Variants in ACYP2 observed in about 807,000 individuals in gnomAD.
ACYP2 encodes acylphosphatase-2.
ACYP2 carries 12 observed loss-of-function variants against 11.2 expected under a neutral mutation model. The observed-to-expected ratio is 1.08, with a 90% CI of 0.69 to 1.74. The LOEUF (loss-of-function observed/expected upper bound fraction) is 1.74. Ranked by LOEUF, ACYP2 falls within the 40% of genes most tolerant of loss-of-function variation. ACYP2 has a pLI of 0.00. For missense variants in ACYP2, 134 were observed against 101.9 expected (o/e 1.31, Z -1.35); for synonymous variants, 43 against 32.2 (o/e 1.33, Z -1.13).
intron 2 of ACYP2, among the ~76,000 whole-genome samples, chr2:54,038,165 C>T (rs570186962): frequency 1.3e-5 from 2 of 152,282 alleles, no homozygotes; most frequent in South Asian, 2.1e-4. Flanking sequence ...TTATTCTAAC[C>T]TCTGAGCGTC....
intron 3 of ACYP2, among the ~76,000 whole-genome samples, chr2:54,052,002 G>C (rs567416492): frequency 6.6e-6 from 1 of 151,764 alleles, no homozygotes; most frequent in Non-Finnish European, 1.5e-5. Flanking sequence ...AGCCAAGATC[G>C]CACCATTGCA....
At chr2:54,188,444 A>G (rs908724031) in intron 6 of ACYP2, among the ~76,000 whole-genome samples, 3 of 152,184 alleles carry the variant, frequency 2.0e-5, no homozygotes, top group Admixed American at 6.5e-5. Context: ...TCACTATTAT[A>G]TTGTTAAAAG....
intron 6 of ACYP2, among the ~76,000 whole-genome samples, chr2:54,166,102 T>C (rs1367084011): frequency 6.6e-6 from 1 of 152,158 alleles, no homozygotes; most frequent in African/African-American, 2.4e-5. Flanking sequence ...AATGCTCTTA[T>C]CTAGGTGCAG....
chr2:54,158,942 T>C (rs1682573506), intron 6 of ACYP2, among the ~76,000 whole-genome samples: 1 of 152,166 alleles, frequency 6.6e-6, no homozygotes, highest in Non-Finnish European at 1.5e-5. Flanking sequence ...TCTCTTTCTC[T>C]TTTTTGGGGC....
At chr2:54,266,875 C>T (rs1007590381) in intron 6 of ACYP2, among the ~76,000 whole-genome samples, 1 of 151,994 alleles carries the variant, frequency 6.6e-6, no homozygotes, top group Non-Finnish European at 1.5e-5. Flanking sequence ...TCCCAAAGTG[C>T]TGGGATTACA....
chr2:54,049,169 G>A (rs1415472840), intron 2 of ACYP2, among the ~76,000 whole-genome samples: 1 of 152,162 alleles, frequency 6.6e-6, no homozygotes, highest in Non-Finnish European at 1.5e-5. Context: ...GGTAAGGCAG[G>A]AGAATCGCTT....
intron 6 of ACYP2, among the ~76,000 whole-genome samples, chr2:54,147,086 G>A (rs569497147): frequency 6.6e-6 from 1 of 152,188 alleles, no homozygotes; most frequent in African/African-American, 2.4e-5. Flanking sequence ...GTGAGCCACC[G>A]TGCCTGGCTG....
chr2:54,266,219 T>C (rs1214804259), intron 6 of ACYP2, among the ~76,000 whole-genome samples: 1 of 152,200 alleles, frequency 6.6e-6, no homozygotes, highest in Non-Finnish European at 1.5e-5. Context: ...CTTGTGAATA[T>C]TGATACAAAA....
intron 6 of ACYP2, among the ~76,000 whole-genome samples, chr2:54,231,195 C>A (rs860058): frequency 2.0e-5 from 3 of 151,988 alleles, no homozygotes; most frequent in South Asian, 4.1e-4. Flanking sequence ...TACATGACAA[C>A]AAGCTGTACC....
chr2:54,264,200 C>T (rs1326930672), intron 6 of ACYP2, among the ~76,000 whole-genome samples: 6 of 152,100 alleles, frequency 3.9e-5, no homozygotes, highest in Admixed American at 1.3e-4. Flanking sequence ...GGAGTGAAGC[C>T]GCAGACCTTC....
chr2:53,985,752 A>G lies in ACYP2; in HGVS notation c.62+11942A>G, dbSNP rs79413988. Reference sequence around the variant, plus strand: ...TTTGGGTCATGGGGGAGGATCCCTCATGAATGGCTTGATGATCTTCCCATA... The same window carrying G: ...TTTGGGTCATGGGGGAGGATCCCTCGTGAATGGCTTGATGATCTTCCCATA... On this transcript the variant is annotated intron_variant, in intron 2 of 6. Transcript: ENST00000607452. 1.9e-3 allele frequency among the ~76,000 whole-genome samples: 292 copies of G among 152,312 alleles called. 5 individuals carry two copies. The East Asian group carries it at 0.031, about 16-fold the overall frequency.
At position 54,267,249 on chromosome 2, in the gene ACYP2, A is replaced by G. The variant is rs1416894083; in HGVS notation, c.405-37439A>G. On this transcript the variant is annotated intron_variant, in intron 6 of 6. Coordinates refer to ENST00000607452, the MANE Select transcript of ACYP2 (RefSeq NM_001320586.2). ...GCACAAAGAAGCTCCCAATAAAAAC[A>G]TTATTATGTCTGAAAGGAAATTCAG... The G allele has an allele frequency of 2.6e-6, 4 of 1,537,582 alleles. No individual in the cohort carries two copies. In the South Asian group the frequency reaches 3.7e-5, roughly 14 times the overall value.
At chr2:54,234,991 T>G (rs1330408696) in intron 6 of ACYP2, among the ~76,000 whole-genome samples, 1 of 152,220 alleles carries the variant, frequency 6.6e-6, no homozygotes, top group Non-Finnish European at 1.5e-5. Flanking sequence ...TTATGACAAG[T>G]TAGCATAAGT....
intron 6 of ACYP2, among the ~76,000 whole-genome samples, chr2:54,214,139 C>A (rs1277707217): frequency 6.6e-6 from 1 of 151,964 alleles, no homozygotes; most frequent in Non-Finnish European, 1.5e-5. Context: ...TCTGGATATT[C>A]GAGCTTTGTT....
At chr2:54,173,974 C>T (rs528625738) in intron 6 of ACYP2, among the ~76,000 whole-genome samples, 1 of 152,252 alleles carries the variant, frequency 6.6e-6, no homozygotes, top group Admixed American at 6.5e-5. Flanking sequence ...GTGATGCCTC[C>T]AGCTTTGTTC....
intron 6 of ACYP2, among the ~76,000 whole-genome samples, chr2:54,177,981 T>C (rs1201439046): frequency 1.3e-5 from 2 of 149,468 alleles, no homozygotes; most frequent in African/African-American, 4.9e-5. Context: ...CTCGGCTCAC[T>C]GCAAACTCTA....
chr2:54,178,994 G>T (rs751230660), intron 6 of ACYP2, among the ~76,000 whole-genome samples: 1 of 152,102 alleles, frequency 6.6e-6, no homozygotes. Flanking sequence ...CAAGATCAAG[G>T]TGCCAGCAGA....
At chr2:54,037,303 C>T (rs981889023) in intron 2 of ACYP2, among the ~76,000 whole-genome samples, 9 of 151,870 alleles carry the variant, frequency 5.9e-5, no homozygotes, top group South Asian at 2.1e-4. Context: ...TTGGTAGAGA[C>T]GGAGTTTCAC....
chr2:54,132,162 C>G (rs2103768094), intron 4 of ACYP2, among the ~76,000 whole-genome samples: 1 of 143,694 alleles, frequency 7.0e-6, no homozygotes, highest in Non-Finnish European at 1.5e-5. Context: ...TCCCCTTACC[C>G]TTATGATAAA....
Sources: allele counts gnomAD v4.1 joint callset (sites outside exome capture counted in the v4.1 genomes callset), GRCh38; gene constraint gnomAD v4.1.1; transcripts MANE v1.5; gene names NCBI Gene and HGNC (gene_info 2026-07-23, HGNC 2026-07-21).